PTPRU: variants seen among roughly 807,000 people sequenced by gnomAD.
PTPRU encodes the protein receptor-type tyrosine-protein phosphatase U.
In PTPRU, 69 loss-of-function variants were observed where a neutral mutation model predicts 166.3. That is an observed-to-expected ratio of 0.41 (90% confidence interval 0.34 to 0.51). The LOEUF is 0.51. Ranked by LOEUF, PTPRU falls within the 20% of genes least tolerant of loss-of-function variation. PTPRU has a pLI of 0.09. For synonymous variants in PTPRU, 793 were observed against 814.0 expected (o/e 0.97, Z 0.44); for missense variants, 1,657 against 2,013.7 (o/e 0.82, Z 3.39).
intron 28 of PTPRU, among the ~76,000 whole-genome samples, chr1:29,324,378 C>T (rs553993468): frequency 1.9e-4 from 29 of 152,284 alleles, no homozygotes; most frequent in African/African-American, 6.7e-4. Flanking sequence ...TGGGAAAGAC[C>T]CCTGAGAAGG....
chr1:29,282,451 G>A (rs1324752578), intron 11 of PTPRU, among the ~76,000 whole-genome samples: 1 of 152,198 alleles, frequency 6.6e-6, no homozygotes, highest in Non-Finnish European at 1.5e-5. Context: ...TAACTTGCCT[G>A]TTCTTCCCAT....
Position 29,260,121 on chromosome 1 carries a change from C to T in PTPRU, c.850+77C>T, listed in dbSNP as rs1684984938. On this transcript the variant is annotated intron_variant, in intron 6 of 29. Transcript: ENST00000373779. The surrounding 1 kb of genome is among the most constrained non-coding windows in gnomAD (Gnocchi z 8.3). ...GCCGGCGACGGGGGCGGGCTCTGCCCGGGGGCGTGGCCGTGGGGGGTGGGG... is the reference window on the plus strand; with the variant it reads ...GCCGGCGACGGGGGCGGGCTCTGCCTGGGGGCGTGGCCGTGGGGGGTGGGG... 3.0e-6 allele frequency: 1 copy of T among 336,538 alleles called. No homozygotes were observed. The highest frequency in any genetic ancestry group is 4.6e-6 in the Non-Finnish European group (1 of 218,404). 20.8% of individuals were successfully genotyped at this position (336,538 alleles called of 1,614,324 possible).
intron 15 of PTPRU, among the ~76,000 whole-genome samples, chr1:29,301,323 CATA>C (rs1687123110): frequency 1.3e-5 from 2 of 152,170 alleles, no homozygotes. Context: ...TTGTAGCCAT[CATA>C]ATGTCATCGT....
At chr1:29,288,895 G>A (rs1364644476) in intron 14 of PTPRU, among the ~76,000 whole-genome samples, 1 of 152,184 alleles carries the variant, frequency 6.6e-6, no homozygotes, top group Non-Finnish European at 1.5e-5. Flanking sequence ...TACACTGTGG[G>A]TGCTTTGCGG....
At chr1:29,309,883 C>T (rs145462562) in intron 18 of PTPRU, among the ~76,000 whole-genome samples, 64 of 152,322 alleles carry the variant, frequency 4.2e-4, no homozygotes, top group African/African-American at 1.2e-3. Context: ...GTTTTCTCAG[C>T]GCCAGCCCTG....
chr1:29,292,816 T>G (rs910926838), intron 15 of PTPRU, among the ~76,000 whole-genome samples: 110 of 72,468 alleles, frequency 1.5e-3, no homozygotes, highest in East Asian at 3.2e-3. Context: ...AATTGTTGTG[T>G]TTTTTTTTTT....
chr1:29,281,092 C>G (rs1302185522), intron 11 of PTPRU, among the ~76,000 whole-genome samples: 1 of 152,014 alleles, frequency 6.6e-6, no homozygotes, highest in Non-Finnish European at 1.5e-5. Context: ...GGTACATGCT[C>G]TGGGAGAGGG....
chr1:29,283,603 C>CTTCTTGCCTGGT (rs1318747962), intron 12 of PTPRU: 4 of 378,146 alleles, frequency 1.1e-5, no homozygotes, highest in East Asian at 5.3e-5. Context: ...CCCTCCTCTG[C>CTTCTTGCCTGGT]TTCTTGCCTG....
At chr1:29,306,334 A>C (rs1232806284) in intron 18 of PTPRU, among the ~76,000 whole-genome samples, 1 of 152,230 alleles carries the variant, frequency 6.6e-6, no homozygotes, top group Non-Finnish European at 1.5e-5. Context: ...GCATCATTTA[A>C]TCACGTATGA....
intron 22 of PTPRU, 87 bp downstream of exon 22, chr1:29,312,793 T>C (rs1687728114): frequency 1.4e-6 from 2 of 1,462,188 alleles, no homozygotes; most frequent in African/African-American, 2.8e-5. Context: ...GGATCTGTAG[T>C]GGGGACCAGG....
intron 26 of PTPRU, among the ~76,000 whole-genome samples, chr1:29,322,211 T>C (rs1305681969): frequency 1.3e-5 from 2 of 152,130 alleles, no homozygotes; most frequent in Admixed American, 6.5e-5. Flanking sequence ...AGAGATGTAG[T>C]TCACTGGGCA....
At chr1:29,270,418 C>T (rs910295455) in intron 7 of PTPRU, among the ~76,000 whole-genome samples, 1 of 152,072 alleles carries the variant, frequency 6.6e-6, no homozygotes, top group Non-Finnish European at 1.5e-5. Flanking sequence ...GCTATTCACC[C>T]ACCTCAGCCT....
intron 13 of PTPRU, 150 bp downstream of exon 13, chr1:29,284,126 C>T (rs1242727481): frequency 6.3e-6 from 6 of 957,130 alleles, no homozygotes; most frequent in Non-Finnish European, 9.7e-6. Flanking sequence ...GCTGGGTTTC[C>T]ATGTGCCCTA....
chr1:29,259,956 G>C lies in PTPRU; in HGVS notation c.762G>C (p.Val254=). The C allele has an allele frequency of 1.3e-6, 2 of 1,542,292 alleles. No individual in the cohort carries two copies. The highest frequency in any genetic ancestry group is 1.7e-6 in the Non-Finnish European group (2 of 1,150,696). The change falls in exon 6 of 30, where the codon GTG becomes GTC. Residue 254 remains valine, a synonymous_variant. Transcript: ENST00000373779. ...TGGCCACTTTCCCGCTGGCTGCCGT[G>C]AGCCGCGCCGAGCAGGACCTGTACC... The part of the protein sequence containing the change: ...RFLATFPLAA[V]SRAEQDLYRC...
At chr1:29,250,197 C>T (rs1013674469) in intron 1 of PTPRU, among the ~76,000 whole-genome samples, 2 of 152,138 alleles carry the variant, frequency 1.3e-5, no homozygotes, top group Admixed American at 6.5e-5. Flanking sequence ...TTCCCTCATT[C>T]CCTCTTCCTC....
At chr1:29,290,033 T>C (rs1037512432) in intron 14 of PTPRU, among the ~76,000 whole-genome samples, 6 of 152,192 alleles carry the variant, frequency 3.9e-5, no homozygotes, top group Non-Finnish European at 8.8e-5. Context: ...TTACGTCTAC[T>C]GTTCCTCGTG....
intron 18 of PTPRU, among the ~76,000 whole-genome samples, chr1:29,309,264 A>G (rs1281333894): frequency 6.6e-6 from 1 of 152,126 alleles, no homozygotes; most frequent in Non-Finnish European, 1.5e-5. Context: ...GGTGATGCAT[A>G]ATCCCGGGCC....
rs779101252 is a variant in PTPRU, at chr1:29,292,000, T to C, written c.2450T>C (p.Met817Thr). 3.1e-6 allele frequency: 5 copies of C among 1,614,032 alleles called. No individual in the cohort carries two copies. In the African/African-American group the frequency reaches 5.3e-5, roughly 17 times the overall value. Residue 817 changes from methionine (M) to threonine (T), a missense_variant, in exon 15 of 30, where the codon ATG becomes ACG. Met to Thr is a moderately conservative substitution (Grantham distance 81). This residue lies in a region of PTPRU where 1,190 missense variants were observed against 1,477.4 expected (regional missense o/e 0.81). Transcript: ENST00000373779. The surrounding 1 kb of genome is among the most constrained non-coding windows in gnomAD (Gnocchi z 4.1). ...QEDERLGLSF[M>T]DTHGYSTRGD... The stretch of plus-strand genomic sequence containing the variant: ...GACGAGCGGCTGGGCCTGTCCTTCA[T>C]GGACACCCATGGCTACAGCACCCGG...
chr1:29,258,741 C>T lies in PTPRU; in HGVS notation c.442C>T (p.Leu148=). 6.3e-7 allele frequency: 1 copy of T among 1,599,340 alleles called. No individual in the cohort carries two copies. ...SHGRQWHQAE[L]AVSTFWPNEY... ...CGGCCGTCAGTGGCACCAGGCTGAG[C>T]TGGCTGTCAGCACTTTCTGGCCCAA... The change falls in exon 3 of 30, where the codon CTG becomes TTG. Residue 148 remains leucine, a synonymous_variant. Transcript: ENST00000373779.
Sources: allele counts gnomAD v4.1 joint callset (sites outside exome capture counted in the v4.1 genomes callset), GRCh38; gene constraint gnomAD v4.1.1; regional missense constraint gnomAD v4.1.1; non-coding constraint Gnocchi (gnomAD v3.1); transcripts MANE v1.5; gene names NCBI Gene and HGNC (gene_info 2026-07-23, HGNC 2026-07-21).